MCTP1: variants seen among roughly 807,000 people sequenced by gnomAD.
MCTP1 encodes multiple C2 and transmembrane domain-containing protein 1.
Under a neutral mutation model 120.6 loss-of-function variants are expected in MCTP1, and 69 were observed. The ratio of observed to expected loss-of-function variants is 0.57; its 90% CI spans 0.47 to 0.70. The LOEUF (loss-of-function observed/expected upper bound fraction) is 0.70, where lower values mean the gene tolerates loss of function less well. MCTP1 is among the 30% of genes least tolerant of loss of function. The pLI, the probability that MCTP1 is intolerant of heterozygous loss-of-function variation, is 0.00. For missense variants in MCTP1, 1,203 were observed against 1,248.8 expected (o/e 0.96, Z 0.55); for synonymous variants, 529 against 493.1 (o/e 1.07, Z -0.96).
chr5:94,714,737 T>C, intron 20 of MCTP1, 40 bp downstream of exon 20: 1 of 1,174,744 alleles, frequency 8.5e-7, no homozygotes, highest in Non-Finnish European at 1.3e-6. Flanking sequence ...GGACACCTTA[T>C]CCCACAGAAG....
chr5:95,107,957 G>C (rs906282687), intron 1 of MCTP1, among the ~76,000 whole-genome samples: 27 of 152,132 alleles, frequency 1.8e-4, no homozygotes, highest in African/African-American at 5.8e-4. Context: ...CCATCACCTA[G>C]GTATTAAGCC....
chr5:94,795,426 G>T (rs1779799963), intron 18 of MCTP1, among the ~76,000 whole-genome samples: 1 of 152,138 alleles, frequency 6.6e-6, no homozygotes, highest in South Asian at 2.1e-4. Flanking sequence ...TTAAATCAAA[G>T]TAAAAGCCAT....
chr5:95,033,128 C>G (rs921390611), intron 1 of MCTP1, among the ~76,000 whole-genome samples: 4 of 151,846 alleles, frequency 2.6e-5, no homozygotes, highest in Non-Finnish European at 5.9e-5. Flanking sequence ...AATAAAAGCC[C>G]TCAATTCTAC....
intron 2 of MCTP1, among the ~76,000 whole-genome samples, chr5:94,974,575 A>G (rs566515891): frequency 6.6e-6 from 1 of 152,274 alleles, no homozygotes; most frequent in South Asian, 2.1e-4. Context: ...ATAAGTATAC[A>G]GCAAAAAGTA....
intron 12 of MCTP1, among the ~76,000 whole-genome samples, chr5:94,883,111 A>G (rs1489374318): frequency 6.6e-6 from 1 of 152,212 alleles, no homozygotes; most frequent in Non-Finnish European, 1.5e-5. Flanking sequence ...AGGAAGAACA[A>G]TGATTTGCTT....
At chr5:94,986,572 C>T (rs772730100) in intron 2 of MCTP1, among the ~76,000 whole-genome samples, 6 of 152,132 alleles carry the variant, frequency 3.9e-5, no homozygotes, top group South Asian at 2.1e-4. Context: ...TGCAGTGGCA[C>T]AATCTTGGCT....
Position 95,284,521 on chromosome 5 carries a change from A to T in MCTP1, c.55T>A (p.Ser19Thr). 2 of 1,497,750 alleles carry T rather than the reference A, an allele frequency of 1.3e-6. No individual in the cohort carries two copies. The highest frequency in any genetic ancestry group is 1.8e-6 in the Non-Finnish European group (2 of 1,132,670). 92.8% of individuals were successfully genotyped at this position (1,497,750 alleles called of 1,614,324 possible). ...GEPEPPAASS[S>T]FQARLWKNLQ... ...TTCTTCCAGAGCCGGGCCTGGAAGG[A>T]GGAGGACGCCGCCGGCGGCTCTGGC... is the stretch of plus-strand genomic sequence containing the variant. Residue 19 changes from serine to threonine, a missense_variant, in exon 1 of 23, where the codon TCC (serine) becomes ACC (threonine). Physicochemically the swap from Ser to Thr is moderately conservative, Grantham distance 58. This residue lies in a region of MCTP1 where 463 missense variants were observed against 377.8 expected (regional missense o/e 1.23). Transcript: ENST00000515393. This position sits in a 1 kb window ranked among gnomAD's most constrained non-coding sequence, Gnocchi z 5.2.
At chr5:95,169,196 A>G (rs1746868308) in intron 1 of MCTP1, among the ~76,000 whole-genome samples, 2 of 152,308 alleles carry the variant, frequency 1.3e-5, no homozygotes, top group South Asian at 4.1e-4. Flanking sequence ...GCTGGATTAC[A>G]TTTATTGATT....
Position 95,284,049 on chromosome 5 carries a change from C to T in MCTP1, c.527G>A (p.Gly176Glu), listed in dbSNP as rs372798151. 1 of 1,532,534 alleles carries T rather than the reference C, an allele frequency of 6.5e-7. No individual in the cohort carries two copies. Among genetic ancestry groups the T allele is most frequent in the Non-Finnish European group, 8.8e-7 (1 of 1,140,248 alleles). 94.9% of individuals were successfully genotyped at this position (1,532,534 alleles called of 1,614,324 possible). A position where few individuals can be genotyped will look rare whatever the true frequency, so the allele number is the denominator to read the frequency against. Residue 176 changes from glycine to glutamate, a missense_variant, in exon 1 of 23, where the codon GGG (glycine) becomes GAG (glutamate). Coordinates refer to ENST00000515393, the MANE Select transcript of MCTP1 (RefSeq NM_024717.7). The surrounding 1 kb of genome is among the most constrained non-coding windows in gnomAD (Gnocchi z 5.2). ...TGCACCCTCATCTCGGGCGCGGTCCCCCCTCGGGGGAGGCTGGGGCGAGGA... is the reference window on the plus strand; with the variant it reads ...TGCACCCTCATCTCGGGCGCGGTCCTCCCTCGGGGGAGGCTGGGGCGAGGA... ...LSSSPQPPPRGDRARDEGARR... is the reference protein window; with the variant it reads ...LSSSPQPPPREDRARDEGARR...
chr5:94,757,785 C>T (rs1458910178), intron 19 of MCTP1, among the ~76,000 whole-genome samples: 1 of 152,142 alleles, frequency 6.6e-6, no homozygotes. Flanking sequence ...GGAGTTCTCT[C>T]CACGGAGGAG....
intron 1 of MCTP1, among the ~76,000 whole-genome samples, chr5:95,135,912 A>C (rs556336392): frequency 3.3e-5 from 5 of 152,384 alleles, no homozygotes; most frequent in Admixed American, 6.5e-5. Flanking sequence ...AAATCAGTTC[A>C]TTAAACATTA....
intron 17 of MCTP1, among the ~76,000 whole-genome samples, chr5:94,839,010 G>A (rs764849903): frequency 6.6e-6 from 1 of 152,142 alleles, no homozygotes; most frequent in Non-Finnish European, 1.5e-5. Context: ...AATATTTAAT[G>A]TCTCTGAAAT....
At chr5:94,896,988 T>C (rs1804170537) in intron 10 of MCTP1, among the ~76,000 whole-genome samples, 1 of 152,168 alleles carries the variant, frequency 6.6e-6, no homozygotes, top group Non-Finnish European at 1.5e-5. Flanking sequence ...TATCTTTAAG[T>C]AACCATGCAT....
chr5:95,151,649 A>C lies in MCTP1; in HGVS notation c.720+132207T>G, dbSNP rs181101126. ...TCCCCTACCAAGCTGGACTCTCTGC[A>C]ATGCTGTATCTGCATTTCAACCAAT... On this transcript the variant is annotated intron_variant, in intron 1 of 22. Transcript: ENST00000515393. Among the ~76,000 whole-genome samples, 122 of 152,322 alleles carry C rather than the reference A, an allele frequency of 8.0e-4. 1 individual carries two copies. The highest frequency in any genetic ancestry group is 2.9e-3 in the African/African-American group (119 of 41,570).
rs1467738172 is a variant in MCTP1 at position 95,284,672 on chromosome 5, C to CTGGCGG, written c.-103_-98dup. ...CACCTCCTCCCGGGTCCCCGCGGCG[C>CTGGCGG]TGGCGGTGGCGGCGGCGGCGGCGGC... On this transcript the variant is annotated 5_prime_UTR_variant, in exon 1 of 23. Transcript: ENST00000515393. The surrounding 1 kb of genome is among the most constrained non-coding windows in gnomAD (Gnocchi z 5.2). 180 of 1,101,072 alleles carry CTGGCGG rather than the reference C, an allele frequency of 1.6e-4. 1 individual carries two copies. Among genetic ancestry groups the CTGGCGG allele is most frequent in the Middle Eastern group, 1.2e-3 (4 of 3,260 alleles). The allele number at this position is 1,101,072 out of a possible 1,614,324, so 68.2% of individuals were successfully genotyped here.
chr5:95,284,255 C>T lies in MCTP1; in HGVS notation c.321G>A (p.Leu107=), dbSNP rs1446739177. 7 of 1,591,060 alleles carry T rather than the reference C, an allele frequency of 4.4e-6. No homozygotes were observed. Among genetic ancestry groups the T allele is most frequent in the African/African-American group, 1.4e-5 (1 of 73,758 alleles). The change falls in exon 1 of 23, where the codon CTG becomes CTA. Residue 107 remains leucine (L), a synonymous_variant. Transcript: ENST00000515393. The surrounding 1 kb of genome is among the most constrained non-coding windows in gnomAD (Gnocchi z 5.2). ...PNLCCSSPEP[L]EPGGAGRAEQ... ...CGGCTCTGCCGGCGCCGCCGGGCTC[C>T]AGGGGCTCCGGCGACGAGCAGCACA... is the stretch of plus-strand genomic sequence containing the variant.
At chr5:95,027,657 G>A (rs543435524) in intron 1 of MCTP1, among the ~76,000 whole-genome samples, 1 of 152,296 alleles carries the variant, frequency 6.6e-6, no homozygotes, top group African/African-American at 2.4e-5. Context: ...TTGGACAGGA[G>A]AGTGAAGATC....
intron 1 of MCTP1, among the ~76,000 whole-genome samples, chr5:95,278,908 G>A (rs1452856610): frequency 7.3e-5 from 11 of 150,318 alleles, no homozygotes; most frequent in Non-Finnish European, 1.3e-4. Context: ...GTTGCGGTGA[G>A]CCAAGATTGC....
chr5:94,855,114 C>T (rs293061), intron 17 of MCTP1, among the ~76,000 whole-genome samples: 29,890 of 151,718 alleles, frequency 0.2, 3,747 homozygotes, highest in Non-Finnish European at 0.29. Context: ...CCTTATAACC[C>T]GCAACTCTGA....
Sources: allele counts gnomAD v4.1 joint callset (sites outside exome capture counted in the v4.1 genomes callset), GRCh38; gene constraint gnomAD v4.1.1; regional missense constraint gnomAD v4.1.1; non-coding constraint Gnocchi (gnomAD v3.1); transcripts MANE v1.5; gene names NCBI Gene and HGNC (gene_info 2026-07-23, HGNC 2026-07-21).